Variants in FCHO2 observed in about 807,000 individuals in gnomAD.
FCHO2 encodes FCH and mu domain containing endocytic adaptor 2.
In FCHO2, 43 loss-of-function variants were observed where a neutral mutation model predicts 114.1. The ratio of observed to expected loss-of-function variants is 0.38; its 90% CI spans 0.30 to 0.49. The LOEUF (loss-of-function observed/expected upper bound fraction) is 0.49. Ranked by LOEUF, FCHO2 falls within the 20% of genes least tolerant of loss-of-function variation. FCHO2 has a pLI of 0.97. For missense variants in FCHO2, 807 were observed against 950.4 expected (o/e 0.85, Z 1.98); for synonymous variants, 293 against 315.2 (o/e 0.93, Z 0.75).
chr5:72,989,841 T>C (rs1753729914), intron 3 of FCHO2, among the ~76,000 whole-genome samples: 1 of 152,104 alleles, frequency 6.6e-6, no homozygotes, highest in Non-Finnish European at 1.5e-5. Context: ...TTAACAGTGA[T>C]CTTTAAAAAC....
chr5:73,062,077 G>A (rs758364009), intron 17 of FCHO2, among the ~76,000 whole-genome samples: 3 of 151,906 alleles, frequency 2.0e-5, no homozygotes, highest in Non-Finnish European at 4.4e-5. Flanking sequence ...TACTTCACAG[G>A]TCAATTTATA....
At position 73,054,505 on chromosome 5, in the gene FCHO2, A is replaced by G. The variant is rs751479280; in HGVS notation, c.1186-20A>G. The G allele has an allele frequency of 1.0e-5, 16 of 1,534,386 alleles. No homozygotes were observed. In the South Asian group the frequency reaches 1.9e-4, roughly 18 times the overall value. ...CAAATTCATTTGTTTTATGGTACCTATTTTGCATCTCTGTTTTAGGTACAG... is the reference window on the plus strand; with the variant it reads ...CAAATTCATTTGTTTTATGGTACCTGTTTTGCATCTCTGTTTTAGGTACAG... On this transcript the variant is annotated intron_variant, in intron 14 of 25. Transcript: ENST00000430046.
chr5:72,968,358 A>G (rs1444946332), intron 1 of FCHO2, 140 bp from the exon 2 acceptor site: 1 of 549,026 alleles, frequency 1.8e-6, no homozygotes, highest in Non-Finnish European at 3.1e-6. Context: ...TACTGTTTAA[A>G]ATCATACAAT....
intron 5 of FCHO2, among the ~76,000 whole-genome samples, chr5:73,003,278 G>A (rs1025948458): frequency 3.8e-4 from 58 of 152,054 alleles, no homozygotes; most frequent in Non-Finnish European, 2.5e-4. Context: ...CTCCCTAAGA[G>A]CTGGGGTTAC....
chr5:72,967,034 C>T (rs912952509), intron 1 of FCHO2, among the ~76,000 whole-genome samples: 1 of 152,142 alleles, frequency 6.6e-6, no homozygotes, highest in African/African-American at 2.4e-5. Context: ...ACCTGTAATC[C>T]CAGCACATTG....
At chr5:72,985,129 C>A (rs1753434640) in intron 2 of FCHO2, among the ~76,000 whole-genome samples, 1 of 151,754 alleles carries the variant, frequency 6.6e-6, no homozygotes, top group Non-Finnish European at 1.5e-5. Context: ...TAAAAATTGT[C>A]ATTTAAATCT....
chr5:72,991,534 A>G (rs2112671507), intron 5 of FCHO2, among the ~76,000 whole-genome samples: 1 of 152,366 alleles, frequency 6.6e-6, no homozygotes, highest in East Asian at 1.9e-4. Flanking sequence ...TAAGCTTTAA[A>G]TGTGTGTTGT....
rs1743287260 is a variant in FCHO2 at position 73,085,805 on chromosome 5, TA to T, written c.2246-1781del. On this transcript the variant is annotated intron_variant, in intron 24 of 25. Coordinates refer to ENST00000430046, the MANE Select transcript of FCHO2 (RefSeq NM_138782.3). Reference sequence around the variant, plus strand: ...ATAAATAAATAAATAAATAAATAAATAAATAAATAAATAAATAAATAAGAAT... The same window carrying T: ...ATAAATAAATAAATAAATAAATAAATAATAAATAAATAAATAAATAAGAAT... Among the ~76,000 whole-genome samples the T allele has an allele frequency of 4.9e-5, 7 of 142,032 alleles. No homozygotes were observed. The South Asian group carries it at 1.6e-3, about 31-fold the overall frequency. 93.2% of individuals were successfully genotyped at this position (142,032 alleles called of 152,430 possible).
chr5:72,983,811 C>T (rs1031876427), intron 2 of FCHO2, among the ~76,000 whole-genome samples: 2 of 151,410 alleles, frequency 1.3e-5, no homozygotes. Context: ...GGTTTTTTTT[C>T]TATTACCAAG....
chr5:73,034,622 T>C, intron 8 of FCHO2, 35 bp from the exon 9 acceptor site: 1 of 1,549,516 alleles, frequency 6.5e-7, no homozygotes, highest in African/African-American at 1.4e-5. Context: ...AATAGTTTTT[T>C]TCTACTAGAA....
At position 72,968,424 on chromosome 5, in the gene FCHO2, A is replaced by G. The variant is rs572139380; in HGVS notation, c.34-74A>G. On this transcript the variant is annotated intron_variant, in intron 1 of 25. Coordinates refer to ENST00000430046, the MANE Select transcript of FCHO2 (RefSeq NM_138782.3). ...CTGAGCACAGGATTGCATATTAGTT[A>G]ATGTTGGCTTTTTATATTCTCAAGT... is the stretch of plus-strand genomic sequence containing the variant. 3.9e-6 allele frequency: 4 copies of G among 1,030,280 alleles called. No individual in the cohort carries two copies. In the East Asian group the frequency reaches 1.2e-4, roughly 30 times the overall value. 63.8% of individuals were successfully genotyped at this position (1,030,280 alleles called of 1,614,324 possible).
chr5:73,024,067 C>CT lies in FCHO2; in HGVS notation c.796+6769dup, dbSNP rs1388974042. ...CATGTTTCTTTTTTCTTTTCTTTTC[C>CT]TTTTTTTTTTGAGACATGGTCTTGC... On this transcript the variant is annotated intron_variant, in intron 8 of 25. Coordinates refer to ENST00000430046, the MANE Select transcript of FCHO2 (RefSeq NM_138782.3). 1.8e-3 allele frequency among the ~76,000 whole-genome samples: 269 copies of CT among 147,888 alleles called. 2 individuals are homozygous for CT. The highest frequency in any genetic ancestry group is 1.8e-3 in the Non-Finnish European group (119 of 66,594).
At chr5:73,050,947 A>C (rs1254331234) in intron 11 of FCHO2, among the ~76,000 whole-genome samples, 3 of 152,200 alleles carry the variant, frequency 2.0e-5, no homozygotes, top group African/African-American at 7.2e-5. Flanking sequence ...TTATATTTCC[A>C]TACAGCTTAT....
intron 6 of FCHO2, among the ~76,000 whole-genome samples, chr5:73,013,120 T>C (rs888717557): frequency 2.6e-5 from 4 of 152,230 alleles, no homozygotes; most frequent in Non-Finnish European, 5.9e-5. Context: ...CTTGAAATAC[T>C]GGTACTGTAT....
chr5:73,002,123 A>C (rs1227486513), intron 5 of FCHO2, among the ~76,000 whole-genome samples: 1 of 152,194 alleles, frequency 6.6e-6, no homozygotes, highest in East Asian at 1.9e-4. Context: ...GTAGTGAACA[A>C]ATAAGTGCTG....
intron 19 of FCHO2, among the ~76,000 whole-genome samples, chr5:73,070,030 G>A (rs1427597515): frequency 6.6e-6 from 1 of 152,108 alleles, no homozygotes; most frequent in Admixed American, 6.6e-5. Flanking sequence ...TTCAGTAGTA[G>A]TCAAAGTGTG....
In FCHO2 at chr5:73,073,434, G is replaced by C. The variant is rs144782367; in HGVS notation, c.1580-1308G>C. ...CTCCAGCCTCTCCCTCACATTTTTT[G>C]TTTTGCTTCTGCTTTGCAAAACTAG... On this transcript the variant is annotated intron_variant, in intron 19 of 25. Transcript: ENST00000430046. 1.8e-3 allele frequency among the ~76,000 whole-genome samples: 273 copies of C among 151,942 alleles called. 1 individual carries two copies. Among genetic ancestry groups the C allele is most frequent in the Non-Finnish European group, 1.8e-3 (124 of 67,910 alleles).
intron 5 of FCHO2, among the ~76,000 whole-genome samples, chr5:73,004,047 CAAAAAAAAAAAAAA>C (rs34849736): frequency 3.8e-5 from 1 of 26,492 alleles, no homozygotes. Context: ...GACTCCATCT[CAAAAAAAAAAAAAA>C]AAAAAAAAAA....
intron 1 of FCHO2, among the ~76,000 whole-genome samples, chr5:72,959,601 A>C (rs1751740646): frequency 6.6e-6 from 1 of 152,230 alleles, no homozygotes; most frequent in African/African-American, 2.4e-5. Context: ...CTAGCATTTA[A>C]AGTGGAACTA....
Sources: gnomAD v4.1 joint callset for allele counts (sites outside exome capture counted in the v4.1 genomes callset) on GRCh38, gnomAD v4.1.1 for gene constraint, MANE v1.5 for transcripts, NCBI Gene and HGNC (gene_info 2026-07-23, HGNC 2026-07-21) for gene names.